The following PLAA variants were observed in gnomAD, a reference collection of about 807,000 sequenced individuals.
PLAA encodes the protein phospholipase A2 activating protein, also known as phospholipase A-2-activating protein.
A neutral mutation model predicts 84.1 loss-of-function variants in PLAA; 48 were observed. That is an observed-to-expected ratio of 0.57 (90% confidence interval 0.45 to 0.73). The LOEUF (loss-of-function observed/expected upper bound fraction) is 0.73, where lower values mean the gene tolerates loss of function less well. Among genes scored for constraint, PLAA ranks in the 30% least tolerant of loss-of-function variants. PLAA has a pLI of 0.00. For synonymous variants in PLAA, 392 were observed against 336.6 expected (o/e 1.16, Z -1.80); for missense variants, 903 against 954.7 (o/e 0.95, Z 0.71).
chr9:26,941,640 A>C (rs1825546984), intron 1 of PLAA, among the ~76,000 whole-genome samples: 1 of 152,238 alleles, frequency 6.6e-6, no homozygotes, highest in Non-Finnish European at 1.5e-5. Context: ...TAAGGAGGAA[A>C]TACCTTAAAA....
rs12338421 is a variant in PLAA at position 26,914,277 on chromosome 9, T to A, written c.1487-330A>T. Among the ~76,000 whole-genome samples, 1,377 of 152,238 alleles carry A rather than the reference T, an allele frequency of 9.0e-3. 15 individuals carry two copies. The highest frequency in any genetic ancestry group is 0.031 in the African/African-American group (1,284 of 41,536). On this transcript the variant is annotated intron_variant, in intron 10 of 13. Coordinates refer to ENST00000397292, the MANE Select transcript of PLAA (RefSeq NM_001031689.3). ...ATTGAAGTAAAGGGGTGGGACTAAC[T>A]AGCACATAAGACAATTGGAAAAGAC...
intron 9 of PLAA, among the ~76,000 whole-genome samples, chr9:26,918,456 G>T (rs1470199862): frequency 2.0e-5 from 3 of 151,970 alleles, no homozygotes; most frequent in Admixed American, 6.6e-5. Context: ...CAACATGCAG[G>T]TAACATTAGT....
At chr9:26,942,877 C>CAAAAAAAAA (rs34134451) in intron 1 of PLAA, among the ~76,000 whole-genome samples, 3 of 51,346 alleles carry the variant, frequency 5.8e-5, no homozygotes, top group African/African-American at 2.1e-4. Flanking sequence ...AGACTCGTCT[C>CAAAAAAAAA]AAAAAAAAAA....
intron 13 of PLAA, 102 bp downstream of exon 13, chr9:26,907,732 C>A: frequency 1.0e-6 from 1 of 995,706 alleles, no homozygotes; most frequent in Non-Finnish European, 1.5e-6. Context: ...TTAGAACTAC[C>A]GAAGTTAACT....
intron 7 of PLAA, among the ~76,000 whole-genome samples, chr9:26,922,592 T>A (rs1824805582): frequency 6.6e-6 from 1 of 152,124 alleles, no homozygotes; most frequent in African/African-American, 2.4e-5. Context: ...AGATTTCATT[T>A]GAGATGACTA....
At position 26,917,184 on chromosome 9, in the gene PLAA, G is replaced by T; in HGVS notation, c.1418-19C>A. 2 of 1,610,372 alleles carry T rather than the reference G, an allele frequency of 1.2e-6. No homozygotes were observed. Among genetic ancestry groups the T allele is most frequent in the Non-Finnish European group, 1.7e-6 (2 of 1,176,976 alleles). ...CCACCACCTGTGCATGCAAAATAAAGAAAAGGCAGAAGTGCACCAAAGTTC... is the reference window on the plus strand; with the variant it reads ...CCACCACCTGTGCATGCAAAATAAATAAAAGGCAGAAGTGCACCAAAGTTC... On this transcript the variant is annotated intron_variant, in intron 9 of 13. Transcript: ENST00000397292.
intron 1 of PLAA, among the ~76,000 whole-genome samples, chr9:26,946,311 G>A (rs1269894408): frequency 1.3e-5 from 2 of 148,370 alleles, no homozygotes; most frequent in African/African-American, 5.0e-5. Flanking sequence ...TAAATCCTTT[G>A]AAGGCAATGG....
chr9:26,925,353 T>G (rs1409685433), intron 6 of PLAA, among the ~76,000 whole-genome samples: 1 of 152,234 alleles, frequency 6.6e-6, no homozygotes, highest in Admixed American at 6.5e-5. Flanking sequence ...TAAGCCCCAT[T>G]GTACCTATTA....
Position 26,920,293 on chromosome 9 carries a change from A to C in PLAA, c.1131T>G (p.Ile377Met). Residue 377 changes from isoleucine to methionine, a missense_variant, in exon 8 of 14, where the codon ATT (isoleucine) becomes ATG (methionine). Coordinates refer to ENST00000397292, the MANE Select transcript of PLAA (RefSeq NM_001031689.3). ...WSVSEGRWIK[I>M]GDVVGSSGAN... is the part of the protein sequence containing the mutation. Reference sequence around the variant, plus strand: ...CACCAGATGAGCCAACAACATCACCAATTTTTATCCACCTCCCTTCACTAA... The same window carrying C: ...CACCAGATGAGCCAACAACATCACCCATTTTTATCCACCTCCCTTCACTAA... 1.2e-6 allele frequency: 2 copies of C among 1,613,922 alleles called. No individual in the cohort carries two copies. Among genetic ancestry groups the C allele is most frequent in the South Asian group, 2.2e-5 (2 of 91,076 alleles).
In PLAA at chr9:26,947,192, A is replaced by G; in HGVS notation, c.-147T>C. On this transcript the variant is annotated 5_prime_UTR_variant, in exon 1 of 14. Transcript: ENST00000397292. The stretch of plus-strand genomic sequence containing the variant: ...GGAAGAGCCCGAGAGCCGGTACGGA[A>G]GGGCGGCTGGGAAGGGGCGCGCCGA... 1.0e-6 allele frequency: 1 copy of G among 979,162 alleles called. No homozygotes were observed. Among genetic ancestry groups the G allele is most frequent in the Non-Finnish European group, 1.4e-6 (1 of 704,590 alleles). 60.7% of individuals were successfully genotyped at this position (979,162 alleles called of 1,614,324 possible).
intron 11 of PLAA, among the ~76,000 whole-genome samples, chr9:26,913,476 T>C (rs1824456329): frequency 6.6e-6 from 1 of 152,080 alleles, no homozygotes; most frequent in Admixed American, 6.5e-5. Flanking sequence ...CTCAACACAT[T>C]AAGAATGAAG....
In PLAA at chr9:26,930,862, C is replaced by A. The variant is rs568834327; in HGVS notation, c.344-2454G>T. On this transcript the variant is annotated intron_variant, in intron 2 of 13. Coordinates refer to ENST00000397292, the MANE Select transcript of PLAA (RefSeq NM_001031689.3). Reference sequence around the variant, plus strand: ...CCTCCCAAAGTGCTGGGATTACAGGCATGCACCACCATGCCCAGTCTGAGA... The same window carrying A: ...CCTCCCAAAGTGCTGGGATTACAGGAATGCACCACCATGCCCAGTCTGAGA... Among the ~76,000 whole-genome samples, 6 of 152,140 alleles carry A rather than the reference C, an allele frequency of 3.9e-5. No individual in the cohort carries two copies. In the South Asian group the frequency reaches 1.0e-3, roughly 26 times the overall value.
intron 10 of PLAA, chr9:26,916,338 G>T: frequency 2.0e-6 from 2 of 986,926 alleles, no homozygotes; most frequent in Non-Finnish European, 2.4e-6. Flanking sequence ...CATTATACAA[G>T]ATATCAAAAG....
chr9:26,915,081 A>G (rs1233872865), intron 10 of PLAA, among the ~76,000 whole-genome samples: 1 of 152,072 alleles, frequency 6.6e-6, no homozygotes, highest in Non-Finnish European at 1.5e-5. Flanking sequence ...GCATGGTGGC[A>G]CATGCCTGTA....
At chr9:26,941,369 AC>A (rs1460580662) in intron 1 of PLAA, among the ~76,000 whole-genome samples, 1 of 151,970 alleles carries the variant, frequency 6.6e-6, no homozygotes, top group Non-Finnish European at 1.5e-5. Context: ...CCAAAAGAAA[AC>A]CCTGGAAACC....
rs200253839 is a variant in PLAA at position 26,923,312 on chromosome 9, T to A, written c.905A>T (p.Asp302Val). 3.3e-5 allele frequency: 53 copies of A among 1,613,050 alleles called. No individual in the cohort carries two copies. Among genetic ancestry groups the A allele is most frequent in the Admixed American group, 8.4e-5 (5 of 59,856 alleles). Residue 302 changes from aspartate to valine, a missense_variant, in exon 7 of 14, where the codon GAT becomes GTT. By Grantham distance (152) the Asp-to-Val change is radical. Transcript: ENST00000397292. ...GATTTCTTCAGCACTTGCTGTTCGATCTTCTGATTCTGTAAACACTCTAAT... is the reference window on the plus strand; with the variant it reads ...GATTTCTTCAGCACTTGCTGTTCGAACTTCTGATTCTGTAAACACTCTAAT... ...GIIRVFTESE[D>V]RTASAEEIKA...
At chr9:26,917,531 G>T (rs760886989) in intron 9 of PLAA, among the ~76,000 whole-genome samples, 2 of 152,130 alleles carry the variant, frequency 1.3e-5, no homozygotes, top group Admixed American at 6.5e-5. Context: ...TCCTGCTGTT[G>T]TTATTGTTAT....
At chr9:26,945,692 AAACTCCAT>A (rs1227780563) in intron 1 of PLAA, among the ~76,000 whole-genome samples, 7 of 152,194 alleles carry the variant, frequency 4.6e-5, no homozygotes, top group African/African-American at 1.7e-4. Context: ...TTCCATCTGC[AAACTCCAT>A]AACCTGGCTC....
At chr9:26,914,033 G>T in intron 10 of PLAA, 86 bp from the exon 11 acceptor site, 1 of 927,448 alleles carries the variant, frequency 1.1e-6, no homozygotes, top group Non-Finnish European at 1.8e-6. Context: ...CCAGTATTAA[G>T]CACACTTCAC....
Sources: gnomAD v4.1 joint callset for allele counts (sites outside exome capture counted in the v4.1 genomes callset) on GRCh38, gnomAD v4.1.1 for gene constraint, MANE v1.5 for transcripts, NCBI Gene and HGNC (gene_info 2026-07-23, HGNC 2026-07-21) for gene names.